Variants in GTF2A1L observed in about 807,000 individuals in gnomAD.
The protein encoded by GTF2A1L is TFIIA-alpha and beta-like factor.
GTF2A1L carries 48 observed loss-of-function variants against 49.7 expected under a neutral mutation model. The observed-to-expected ratio is 0.97, with a 90% CI of 0.77 to 1.23. The LOEUF is 1.23. Ranked by LOEUF, GTF2A1L falls within the 50% of genes most tolerant of loss-of-function variation. GTF2A1L has a pLI of 0.00. For synonymous variants in GTF2A1L, 246 were observed against 193.5 expected (o/e 1.27, Z -2.25); for missense variants, 736 against 564.8 (o/e 1.30, Z -3.07).
chr2:48,677,031 A>G (rs1572787686), intron 8 of GTF2A1L, among the ~76,000 whole-genome samples: 1 of 151,434 alleles, frequency 6.6e-6, no homozygotes, highest in African/African-American at 2.4e-5. Flanking sequence ...GCATTTCTAA[A>G]TGTATTTGGG....
rs192418394 is a variant in GTF2A1L at position 48,674,384 on chromosome 2, T to C, written c.1329+2704T>C. Among the ~76,000 whole-genome samples, 916 of 152,234 alleles carry C rather than the reference T, an allele frequency of 6.0e-3. 3 individuals carry two copies. The highest frequency in any genetic ancestry group is 9.9e-3 in the Admixed American group (151 of 15,294). ...ATTTACATATTTAGCCTTTTTTTTT[T>C]CCAGTCACAATTTGAATATATTTAG... On this transcript the variant is annotated intron_variant, in intron 8 of 8. Transcript: ENST00000403751.
chr2:48,624,833 T>C (rs1312792190), intron 3 of GTF2A1L, among the ~76,000 whole-genome samples: 2 of 143,594 alleles, frequency 1.4e-5, no homozygotes, highest in Non-Finnish European at 3.1e-5. Flanking sequence ...TTTCACTTAG[T>C]ATAATGTCCT....
intron 3 of GTF2A1L, among the ~76,000 whole-genome samples, chr2:48,634,687 G>A (rs1676784723): frequency 6.6e-6 from 1 of 152,168 alleles, no homozygotes. Context: ...ATTCTTGGTT[G>A]GAATTTCTTT....
At position 48,629,541 on chromosome 2, in the gene GTF2A1L, C is replaced by T. The variant is rs562762041; in HGVS notation, c.247+8251C>T. 3.3e-4 allele frequency among the ~76,000 whole-genome samples: 47 copies of T among 143,720 alleles called. 7 individuals are homozygous for T. Among genetic ancestry groups the T allele is most frequent in the South Asian group, 9.5e-4 (4 of 4,192 alleles). 94.3% of individuals were successfully genotyped at this position (143,720 alleles called of 152,430 possible). A position where few individuals can be genotyped will look rare whatever the true frequency, so the allele number is the denominator to read the frequency against. On this transcript the variant is annotated intron_variant, in intron 3 of 8. Coordinates refer to ENST00000403751, the MANE Select transcript of GTF2A1L (RefSeq NM_006872.5). Reference sequence around the variant, plus strand: ...TTGCAGCTGGGTCCCCAGGCTTGGTCTGTTTGTCTCAAGATTAGCCCCTAG... The same window carrying T: ...TTGCAGCTGGGTCCCCAGGCTTGGTTTGTTTGTCTCAAGATTAGCCCCTAG...
chr2:48,653,944 GAAAC>G (rs1335071383), intron 6 of GTF2A1L, among the ~76,000 whole-genome samples: 1 of 100,596 alleles, frequency 9.9e-6, no homozygotes, highest in Non-Finnish European at 2.0e-5. Context: ...AAAAAAAAAA[GAAAC>G]AGCCCCGAAA....
chr2:48,669,634 G>C, intron 6 of GTF2A1L, 88 bp from the exon 7 acceptor site: 1 of 1,480,470 alleles, frequency 6.8e-7, no homozygotes, highest in Admixed American at 2.2e-5. Flanking sequence ...CTGACCATTT[G>C]TGGAATGTTT....
chr2:48,664,269 T>G (rs1011843017), intron 6 of GTF2A1L, among the ~76,000 whole-genome samples: 3 of 152,132 alleles, frequency 2.0e-5, no homozygotes, highest in Admixed American at 2.0e-4. Flanking sequence ...TTTAATTTTT[T>G]TTTGTAGATA....
intron 3 of GTF2A1L, among the ~76,000 whole-genome samples, chr2:48,637,058 A>G (rs1240612260): frequency 6.6e-6 from 1 of 152,138 alleles, no homozygotes; most frequent in Non-Finnish European, 1.5e-5. Context: ...TTGAACTTAG[A>G]TGTGTTGAAA....
chr2:48,626,924 A>AT lies in GTF2A1L; in HGVS notation c.247+5640dup, dbSNP rs558693592. ...TATTGTAAATGAGATTGTTTTTATG[A>AT]TTTTTTGGATAGGTAGTTATTTGTG... On this transcript the variant is annotated intron_variant, in intron 3 of 8. Coordinates refer to ENST00000403751, the MANE Select transcript of GTF2A1L (RefSeq NM_006872.5). 1.4e-4 allele frequency among the ~76,000 whole-genome samples: 20 copies of AT among 143,302 alleles called. No individual in the cohort carries two copies. In the East Asian group the frequency reaches 2.5e-3, roughly 18 times the overall value. The allele number at this position is 143,302 out of a possible 152,430, so 94.0% of individuals were successfully genotyped here. A position where few individuals can be genotyped will look rare whatever the true frequency, so the allele number is the denominator to read the frequency against.
intron 3 of GTF2A1L, among the ~76,000 whole-genome samples, chr2:48,630,594 G>A (rs567634864): frequency 2.1e-5 from 3 of 143,462 alleles, no homozygotes; most frequent in East Asian, 3.9e-4. Flanking sequence ...TTCCTGTTTG[G>A]ATGCCTTTTA....
intron 6 of GTF2A1L, among the ~76,000 whole-genome samples, chr2:48,653,138 A>G (rs1387051954): frequency 9.4e-5 from 14 of 149,576 alleles, no homozygotes; most frequent in African/African-American, 3.2e-4. Flanking sequence ...GGAGGATGGC[A>G]TGAACCCAGG....
chr2:48,657,620 G>A (rs1678254967), intron 6 of GTF2A1L, among the ~76,000 whole-genome samples: 1 of 152,136 alleles, frequency 6.6e-6, no homozygotes, highest in African/African-American at 2.4e-5. Context: ...TATATATCCA[G>A]TAATGGGATT....
intron 3 of GTF2A1L, among the ~76,000 whole-genome samples, chr2:48,635,989 C>T (rs1189910740): frequency 1.3e-5 from 2 of 152,278 alleles, no homozygotes; most frequent in East Asian, 3.9e-4. Flanking sequence ...GGCTGTCTTT[C>T]TCTCTCATGT....
At chr2:48,658,682 G>T (rs1399059895) in intron 6 of GTF2A1L, among the ~76,000 whole-genome samples, 1 of 151,986 alleles carries the variant, frequency 6.6e-6, no homozygotes, top group African/African-American at 2.4e-5. Context: ...TTAGGTATTG[G>T]TCTGTTTAGA....
chr2:48,655,286 T>C (rs1678108707), intron 6 of GTF2A1L, among the ~76,000 whole-genome samples: 1 of 152,062 alleles, frequency 6.6e-6, no homozygotes, highest in African/African-American at 2.4e-5. Context: ...ATCAAGAACA[T>C]TTTTATTCTT....
In GTF2A1L at chr2:48,624,134, T is replaced by G. The variant is rs1383477245; in HGVS notation, c.247+2844T>G. On this transcript the variant is annotated intron_variant, in intron 3 of 8. Transcript: ENST00000403751. ...ATTTCCTGTATCTTCAGTTCTCTAC[T>G]TTGTTTGGTCTCAGGACCCCTTTAA... 1.4e-5 allele frequency among the ~76,000 whole-genome samples: 2 copies of G among 145,668 alleles called. 1 individual carries two copies. The highest frequency in any genetic ancestry group is 3.1e-5 in the Non-Finnish European group (2 of 64,452).
chr2:48,631,769 T>G (rs561564825), intron 3 of GTF2A1L, among the ~76,000 whole-genome samples: 1 of 152,324 alleles, frequency 6.6e-6, no homozygotes, highest in Admixed American at 6.5e-5. Context: ...TTGAGATCTT[T>G]CCAACTTTTT....
intron 3 of GTF2A1L, among the ~76,000 whole-genome samples, chr2:48,630,729 G>A (rs1676520422): frequency 9.3e-6 from 1 of 107,114 alleles, no homozygotes. Flanking sequence ...ATTTAGCATG[G>A]TGTTGGCTGT....
At chr2:48,626,962 A>G (rs1004852658) in intron 3 of GTF2A1L, among the ~76,000 whole-genome samples, 3 of 143,652 alleles carry the variant, frequency 2.1e-5, no homozygotes, top group Non-Finnish European at 3.1e-5. Flanking sequence ...CACAAATCCC[A>G]CTGATTTTTT....
Sources: allele counts gnomAD v4.1 joint callset (sites outside exome capture counted in the v4.1 genomes callset), GRCh38; gene constraint gnomAD v4.1.1; transcripts MANE v1.5; gene names NCBI Gene and HGNC (gene_info 2026-07-23, HGNC 2026-07-21).